PTPRN2: variants seen among roughly 807,000 people sequenced by gnomAD.
PTPRN2 encodes the protein receptor-type tyrosine-protein phosphatase N2.
In PTPRN2, 74 loss-of-function variants were observed where a neutral mutation model predicts 118.8. The ratio of observed to expected loss-of-function variants is 0.62; its 90% confidence interval spans 0.52 to 0.76. PTPRN2 has a LOEUF of 0.76. Among genes scored for constraint, PTPRN2 ranks in the 30% least tolerant of loss-of-function variants. The probability of loss-of-function intolerance (pLI) is 0.00; values close to 1 mark genes in which losing one functional copy is unlikely to be tolerated. For missense variants in PTPRN2, 1,481 were observed against 1,394.4 expected, an observed-to-expected ratio of 1.06 and a Z score of -0.99; for synonymous variants, 641 against 608.0, an observed-to-expected ratio of 1.05 and a Z score of -0.80.
intron 11 of PTPRN2, among the ~76,000 whole-genome samples, chr7:158,067,220 C>T (rs77958470): frequency 4.6e-5 from 7 of 152,176 alleles, no homozygotes; most frequent in Non-Finnish European, 7.3e-5. Flanking sequence ...TGCTTTTCAG[C>T]GAAGCCTCCT....
At chr7:158,402,567 C>G (rs1009337130) in intron 2 of PTPRN2, among the ~76,000 whole-genome samples, 1 of 152,208 alleles carries the variant, frequency 6.6e-6, no homozygotes, top group Non-Finnish European at 1.5e-5. Flanking sequence ...GGGGCTTACT[C>G]CATATTTGGC....
At chr7:158,325,114 A>C (rs1361218696) in intron 2 of PTPRN2, among the ~76,000 whole-genome samples, 3 of 149,462 alleles carry the variant, frequency 2.0e-5, no homozygotes, top group Non-Finnish European at 4.4e-5. Context: ...CCAGAGATCC[A>C]CAGGGGGTCC....
intron 1 of PTPRN2, among the ~76,000 whole-genome samples, chr7:158,566,510 C>T (rs938660459): frequency 8.5e-5 from 13 of 152,296 alleles, no homozygotes; most frequent in African/African-American, 3.1e-4. Flanking sequence ...CCACAAGCAC[C>T]GCACAAAAGG....
intron 11 of PTPRN2, among the ~76,000 whole-genome samples, chr7:158,026,544 A>G (rs1400747633): frequency 6.6e-6 from 1 of 152,244 alleles, no homozygotes; most frequent in East Asian, 1.9e-4. Flanking sequence ...ATGTAAGATA[A>G]TTCCTTGTGT....
chr7:158,316,748 A>T, intron 3 of PTPRN2, 71 bp downstream of exon 3: 1 of 1,158,322 alleles, frequency 8.6e-7, no homozygotes, highest in South Asian at 1.5e-5. Context: ...CTCACCGCCC[A>T]GGAGGAGAAG....
At chr7:157,946,454 ACT>A (rs1585066032) in intron 11 of PTPRN2, among the ~76,000 whole-genome samples, 1 of 152,266 alleles carries the variant, frequency 6.6e-6, no homozygotes, top group East Asian at 1.9e-4. Flanking sequence ...CAAAATAAAG[ACT>A]CTGCATGTCA....
chr7:158,203,330 G>A (rs766753618), intron 4 of PTPRN2, among the ~76,000 whole-genome samples: 1 of 150,936 alleles, frequency 6.6e-6, no homozygotes. Flanking sequence ...CAAAGCATAT[G>A]TATTTTAAAC....
rs369519605 is a variant in PTPRN2, at chr7:157,828,055, G to A, written c.1788+70618C>T. ...GGGACCTGCCTGCCTTCACGGCCAC[G>A]GAAGTACATTTCGTAAGTTCTGGTT... is the stretch of plus-strand genomic sequence containing the variant. On this transcript the variant is annotated intron_variant, in intron 12 of 22. Transcript: ENST00000389418. Among the ~76,000 whole-genome samples the A allele has an allele frequency of 9.5e-4, 145 of 152,286 alleles. 1 individual carries two copies. Among genetic ancestry groups the A allele is most frequent in the Admixed American group, 3.3e-3 (51 of 15,294 alleles).
At chr7:158,532,955 A>G in intron 1 of PTPRN2, 1 of 359,598 alleles carries the variant, frequency 2.8e-6, no homozygotes. Context: ...GCCAGGGACA[A>G]GGCCTCATCC....
At chr7:157,677,430 G>T (rs1796721506) in intron 13 of PTPRN2, among the ~76,000 whole-genome samples, 1 of 152,178 alleles carries the variant, frequency 6.6e-6, no homozygotes, top group Admixed American at 6.5e-5. Context: ...CACCTTTCGA[G>T]ACTTCATTGT....
chr7:157,653,833 C>G (rs1381526367), intron 14 of PTPRN2, among the ~76,000 whole-genome samples: 1 of 149,368 alleles, frequency 6.7e-6, no homozygotes, highest in African/African-American at 2.5e-5. Context: ...GCACACGACG[C>G]CCGCCACTCC....
At chr7:158,522,718 G>A (rs568948714) in intron 1 of PTPRN2, among the ~76,000 whole-genome samples, 74 of 152,324 alleles carry the variant, frequency 4.9e-4, no homozygotes, top group East Asian at 2.3e-3. Context: ...TCGGACCACC[G>A]GAGCCAGCCC....
chr7:158,478,903 G>C (rs1275113987), intron 2 of PTPRN2, among the ~76,000 whole-genome samples: 3 of 152,214 alleles, frequency 2.0e-5, no homozygotes, highest in Non-Finnish European at 4.4e-5. Context: ...GTAACTTACA[G>C]AAGCAGAGGT....
At chr7:158,335,446 A>C (rs538077894) in intron 2 of PTPRN2, among the ~76,000 whole-genome samples, 2 of 44,096 alleles carry the variant, frequency 4.5e-5, no homozygotes, top group Non-Finnish European at 9.5e-5. Flanking sequence ...TGACACATGC[A>C]GATGTCACTC....
chr7:157,739,371 C>A (rs1800489022), intron 12 of PTPRN2: 1 of 152,280 alleles, frequency 6.6e-6, no homozygotes, highest in Non-Finnish European at 1.5e-5. Flanking sequence ...TACTCTCTCA[C>A]CCCGGCATCT....
intron 3 of PTPRN2, among the ~76,000 whole-genome samples, chr7:158,249,108 C>T (rs1382725099): frequency 1.3e-5 from 2 of 151,798 alleles, no homozygotes; most frequent in East Asian, 1.9e-4. Context: ...ACATCACACA[C>T]ACACATGAAC....
At chr7:158,395,926 G>A (rs971822589) in intron 2 of PTPRN2, among the ~76,000 whole-genome samples, 3 of 152,020 alleles carry the variant, frequency 2.0e-5, no homozygotes, top group African/African-American at 7.3e-5. Flanking sequence ...AGGTGAGGTC[G>A]GGCTACAGAC....
At chr7:158,495,543 A>C (rs1056840803) in intron 1 of PTPRN2, among the ~76,000 whole-genome samples, 7 of 152,074 alleles carry the variant, frequency 4.6e-5, no homozygotes, top group Non-Finnish European at 8.8e-5. Flanking sequence ...CCTGGGCCAT[A>C]GCTACCCCCC....
At chr7:158,302,248 G>A (rs1175713255) in intron 3 of PTPRN2, among the ~76,000 whole-genome samples, 1 of 152,154 alleles carries the variant, frequency 6.6e-6, no homozygotes, top group Non-Finnish European at 1.5e-5. Flanking sequence ...GTTAGCCGCT[G>A]AATCCCTCCC....
Sources: gnomAD v4.1 joint callset for allele counts (sites outside exome capture counted in the v4.1 genomes callset) on GRCh38, gnomAD v4.1.1 for gene constraint, MANE v1.5 for transcripts, NCBI Gene and HGNC (gene_info 2026-07-23, HGNC 2026-07-21) for gene names.